Variants in DPP10 observed in about 807,000 individuals in gnomAD.
DPP10 encodes dipeptidyl peptidase like 10, also known as inactive dipeptidyl peptidase 10.
In DPP10, 33 loss-of-function variants were observed where a neutral mutation model predicts 120.9. The ratio of observed to expected loss-of-function variants is 0.27; its 90% CI spans 0.21 to 0.37. The LOEUF (loss-of-function observed/expected upper bound fraction) is 0.37. Among genes scored for constraint, DPP10 ranks in the 10% least tolerant of loss-of-function variants. DPP10 has a pLI of 1.00. For missense variants in DPP10, 816 were observed against 942.8 expected (o/e 0.87, Z 1.76); for synonymous variants, 337 against 326.1 (o/e 1.03, Z -0.36).
At chr2:115,518,390 A>G (rs893878130) in intron 4 of DPP10, among the ~76,000 whole-genome samples, 1 of 152,178 alleles carries the variant, frequency 6.6e-6, no homozygotes, top group Non-Finnish European at 1.5e-5. Flanking sequence ...ATGATGTTAT[A>G]TAAACCTAAA....
intron 21 of DPP10, 85 bp downstream of exon 21, chr2:115,815,814 G>T: frequency 7.3e-7 from 1 of 1,360,732 alleles, no homozygotes; most frequent in Non-Finnish European, 1.0e-6. Flanking sequence ...GAGGCCAGTT[G>T]GTTACAGATA....
intron 5 of DPP10, among the ~76,000 whole-genome samples, chr2:115,590,474 A>T (rs1282991665): frequency 2.6e-5 from 4 of 152,136 alleles, no homozygotes; most frequent in Non-Finnish European, 4.4e-5. Flanking sequence ...AGCTTCATCC[A>T]TGTCCCTACA....
chr2:114,722,763 T>A (rs1701782542), intron 1 of DPP10, among the ~76,000 whole-genome samples: 1 of 101,214 alleles, frequency 9.9e-6, no homozygotes, highest in Non-Finnish European at 1.7e-5. Flanking sequence ...GAGACAGAGC[T>A]AGGCTCTGTC....
chr2:114,912,964 T>G (rs1473545109), intron 1 of DPP10, among the ~76,000 whole-genome samples: 1 of 152,186 alleles, frequency 6.6e-6, no homozygotes, highest in Non-Finnish European at 1.5e-5. Context: ...CTAGGTGGCT[T>G]TAGCCTGTGT....
chr2:114,524,013 A>T (rs1685285284), intron 1 of DPP10, among the ~76,000 whole-genome samples: 1 of 152,236 alleles, frequency 6.6e-6, no homozygotes, highest in Non-Finnish European at 1.5e-5. Flanking sequence ...TGTACTAGGG[A>T]GCACCCAAAT....
chr2:115,279,246 A>G (rs2060041769), intron 1 of DPP10, among the ~76,000 whole-genome samples: 1 of 152,212 alleles, frequency 6.6e-6, no homozygotes, highest in African/African-American at 2.4e-5. Flanking sequence ...TGAATTTGAA[A>G]TAGACACAAG....
chr2:115,382,718 A>G (rs991676765), intron 3 of DPP10, among the ~76,000 whole-genome samples: 1 of 152,246 alleles, frequency 6.6e-6, no homozygotes, highest in Non-Finnish European at 1.5e-5. Flanking sequence ...ATGTATAAAA[A>G]AAGAGCTGGA....
At chr2:115,738,201 C>T (rs1013011889) in intron 8 of DPP10, among the ~76,000 whole-genome samples, 2 of 152,100 alleles carry the variant, frequency 1.3e-5, no homozygotes, top group African/African-American at 4.8e-5. Context: ...TGTATTGCAG[C>T]CGTGTACCCG....
At chr2:114,851,660 G>A (rs1317006254) in intron 1 of DPP10, among the ~76,000 whole-genome samples, 1 of 152,112 alleles carries the variant, frequency 6.6e-6, no homozygotes, top group Non-Finnish European at 1.5e-5. Context: ...ATTGGGCTTA[G>A]TAACACAGCA....
chr2:114,855,663 C>A (rs1160850610), intron 1 of DPP10, among the ~76,000 whole-genome samples: 2 of 152,150 alleles, frequency 1.3e-5, no homozygotes, highest in Non-Finnish European at 2.9e-5. Flanking sequence ...TGAGTAGAGA[C>A]AAGTAGAGAC....
At chr2:115,513,312 T>TA (rs2077330516) in intron 4 of DPP10, among the ~76,000 whole-genome samples, 2 of 151,928 alleles carry the variant, frequency 1.3e-5, no homozygotes, top group Admixed American at 1.3e-4. Context: ...ATAATTATTT[T>TA]AAAAAAATTT....
intron 1 of DPP10, among the ~76,000 whole-genome samples, chr2:114,720,106 G>A (rs1056371903): frequency 1.6e-4 from 24 of 152,082 alleles, no homozygotes; most frequent in African/African-American, 4.6e-4. Flanking sequence ...CACAGATAAG[G>A]GAACTTCGGA....
chr2:115,156,388 C>T (rs1286546910), intron 1 of DPP10, among the ~76,000 whole-genome samples: 3 of 152,238 alleles, frequency 2.0e-5, no homozygotes, highest in East Asian at 1.9e-4. Flanking sequence ...CCAGAATCTT[C>T]GACTATCTCT....
chr2:115,618,317 T>A (rs1190797077), intron 5 of DPP10, among the ~76,000 whole-genome samples: 1 of 152,190 alleles, frequency 6.6e-6, no homozygotes, highest in Non-Finnish European at 1.5e-5. Flanking sequence ...ATGTGTCAGT[T>A]GAGTGAACTA....
At chr2:114,537,788 G>T (rs1686632772) in intron 1 of DPP10, among the ~76,000 whole-genome samples, 1 of 152,188 alleles carries the variant, frequency 6.6e-6, no homozygotes. Context: ...CACAGAGCTA[G>T]CTAGTGGCAG....
intron 1 of DPP10, among the ~76,000 whole-genome samples, chr2:114,450,282 A>G (rs2104533353): frequency 6.6e-6 from 1 of 152,244 alleles, no homozygotes; most frequent in African/African-American, 2.4e-5. Flanking sequence ...TTTTCTCACA[A>G]TCTCCTAGTC....
At chr2:115,019,629 A>G (rs1702924171) in intron 1 of DPP10, among the ~76,000 whole-genome samples, 1 of 152,216 alleles carries the variant, frequency 6.6e-6, no homozygotes, top group South Asian at 2.1e-4. Flanking sequence ...CAGCCTTGAT[A>G]GAGATCTAGA....
intron 1 of DPP10, among the ~76,000 whole-genome samples, chr2:114,725,405 C>A (rs978271980): frequency 3.7e-4 from 57 of 152,214 alleles, no homozygotes; most frequent in African/African-American, 1.3e-3. Flanking sequence ...CTGCTCAAAT[C>A]AGTAGACTAT....
chr2:115,617,778 C>A (rs1037781391), intron 5 of DPP10, among the ~76,000 whole-genome samples: 1 of 152,108 alleles, frequency 6.6e-6, no homozygotes, highest in Non-Finnish European at 1.5e-5. Context: ...GTACCCCCAT[C>A]ATTAAGTAAT....
Sources: gnomAD v4.1 joint callset for allele counts (sites outside exome capture counted in the v4.1 genomes callset) on GRCh38, gnomAD v4.1.1 for gene constraint, MANE v1.5 for transcripts, NCBI Gene and HGNC (gene_info 2026-07-23, HGNC 2026-07-21) for gene names.